The following GEMIN5 variants were observed in gnomAD, a reference collection of about 807,000 sequenced individuals.
GEMIN5 encodes gem nuclear organelle associated protein 5, also known as gem-associated protein 5.
Under a neutral mutation model 176.9 loss-of-function variants are expected in GEMIN5, and 124 were observed. The ratio of observed to expected loss-of-function variants is 0.70; its 90% CI spans 0.61 to 0.81. The LOEUF is 0.81. Among genes scored for constraint, GEMIN5 ranks in the 40% least tolerant of loss-of-function variants. The probability of loss-of-function intolerance (pLI) is 0.00; values close to 1 mark genes in which losing one functional copy is unlikely to be tolerated. For synonymous variants in GEMIN5, 673 were observed against 665.2 expected (o/e 1.01, Z -0.18); for missense variants, 1,843 against 1,814.6 (o/e 1.02, Z -0.28).
chr5:154,931,306 G>A (rs1764156251), intron 5 of GEMIN5, 152 bp downstream of exon 5: 1 of 643,684 alleles, frequency 1.6e-6, no homozygotes, highest in Non-Finnish European at 2.6e-6. Context: ...AGAGAGTCTA[G>A]GCCAGGCTCA....
Position 154,928,520 on chromosome 5 carries a change from G to C in GEMIN5, c.914+7C>G, listed in dbSNP as rs758781420. On this transcript the variant is annotated splice_region_variant and intron_variant, in intron 6 of 27. Coordinates refer to ENST00000285873, the MANE Select transcript of GEMIN5 (RefSeq NM_015465.5). ...TATCTGAGAAAGCATGACCAAAAAAGACTTACCCAAAACAGCTAGATACCA... is the reference window on the plus strand; with the variant it reads ...TATCTGAGAAAGCATGACCAAAAAACACTTACCCAAAACAGCTAGATACCA... The C allele has an allele frequency of 1.2e-6, 2 of 1,613,468 alleles. No homozygotes were observed. Among genetic ancestry groups the C allele is most frequent in the Non-Finnish European group, 1.7e-6 (2 of 1,179,760 alleles).
intron 5 of GEMIN5, among the ~76,000 whole-genome samples, chr5:154,929,776 T>C (rs1764122938): frequency 6.6e-6 from 1 of 152,222 alleles, no homozygotes; most frequent in Non-Finnish European, 1.5e-5. Flanking sequence ...ATTATACTAT[T>C]AGTTACCTAC....
chr5:154,938,036 C>A lies in GEMIN5; in HGVS notation c.98G>T (p.Arg33Leu). Residue 33 changes from arginine to leucine, a missense_variant, in exon 1 of 28, where the codon CGG (arginine) becomes CTG (leucine). Coordinates refer to ENST00000285873, the MANE Select transcript of GEMIN5 (RefSeq NM_015465.5). ...CACGCGGACAAGGAAGACGGAGGTC[C>A]GCGCGGCGAAGCCAAAGAGGCCCCC... ...VPGGLFGFAA[R>L]TSVFLVRVGP... 1 of 1,552,356 alleles carries A rather than the reference C, an allele frequency of 6.4e-7. No individual in the cohort carries two copies.
At chr5:154,896,958 GTC>G (rs1341475650) in intron 23 of GEMIN5, among the ~76,000 whole-genome samples, 2 of 152,214 alleles carry the variant, frequency 1.3e-5, no homozygotes, top group East Asian at 3.8e-4. Context: ...GCTTGCAAGA[GTC>G]TCTGTTGCAC....
Position 154,896,154 on chromosome 5 carries a change from C to T in GEMIN5, c.3535G>A (p.Ala1179Thr), listed in dbSNP as rs781170461. 1.2e-6 allele frequency: 2 copies of T among 1,613,852 alleles called. No homozygotes were observed. Among genetic ancestry groups the T allele is most frequent in the Admixed American group, 3.3e-5 (2 of 59,964 alleles). The change falls in exon 24 of 28, where the codon GCC becomes ACC. Residue 1179 changes from alanine to threonine, a missense_variant. Coordinates refer to ENST00000285873, the MANE Select transcript of GEMIN5 (RefSeq NM_015465.5). ...TTGATGTTCTGCAGCTTCTGAAAGG[C>T]TTCCTGATACTGCTCAGGGGTGTCA... is the stretch of plus-strand genomic sequence containing the variant. ...SLDTPEQYQE[A>T]FQKLQNIKYP... is the part of the protein sequence containing the mutation.
chr5:154,915,493 T>C (rs1561720654), intron 13 of GEMIN5, among the ~76,000 whole-genome samples: 2 of 152,342 alleles, frequency 1.3e-5, no homozygotes, highest in Admixed American at 6.5e-5. Context: ...AGATTTCTTA[T>C]GGAATAAATT....
At chr5:154,906,645 C>A (rs1197340508) in intron 16 of GEMIN5, among the ~76,000 whole-genome samples, 1 of 152,152 alleles carries the variant, frequency 6.6e-6, no homozygotes, top group African/African-American at 2.4e-5. Context: ...GGTTCTCCTG[C>A]CTCAGCCTCC....
intron 26 of GEMIN5, among the ~76,000 whole-genome samples, chr5:154,890,911 G>A (rs190872219): frequency 7.9e-4 from 121 of 152,258 alleles, no homozygotes; most frequent in African/African-American, 2.5e-3. Context: ...TTACAGGCAT[G>A]TGCCACCATA....
At chr5:154,934,335 C>T (rs1016365455) in intron 3 of GEMIN5, among the ~76,000 whole-genome samples, 4 of 152,202 alleles carry the variant, frequency 2.6e-5, no homozygotes, top group South Asian at 2.1e-4. Context: ...TACAGGCATG[C>T]GCCACCATGC....
intron 24 of GEMIN5, 168 bp from the exon 25 acceptor site, chr5:154,892,717 T>C: frequency 1.6e-6 from 1 of 612,590 alleles, no homozygotes; most frequent in Non-Finnish European, 2.9e-6. Flanking sequence ...TCGGAAACTC[T>C]CATGTCTAGT....
chr5:154,888,752 T>C (rs966376934), intron 27 of GEMIN5, among the ~76,000 whole-genome samples: 25 of 152,248 alleles, frequency 1.6e-4, no homozygotes, highest in African/African-American at 5.8e-4. Context: ...TAAATCTATT[T>C]GGTTTCTCTG....
chr5:154,895,336 GAAA>G (rs370508883), intron 24 of GEMIN5, among the ~76,000 whole-genome samples: 2 of 75,692 alleles, frequency 2.6e-5, no homozygotes, highest in Non-Finnish European at 2.7e-5. Flanking sequence ...CTCCAGAAAG[GAAA>G]AAAAAAAAAA....
chr5:154,917,679 A>G (rs139532385), intron 12 of GEMIN5, among the ~76,000 whole-genome samples: 3 of 152,316 alleles, frequency 2.0e-5, no homozygotes, highest in African/African-American at 7.2e-5. Context: ...ATAGGAGGTG[A>G]CCATTTTGTG....
At chr5:154,904,650 T>C (rs749076341) in intron 17 of GEMIN5, 21 bp from the exon 18 acceptor site, 3 of 1,592,094 alleles carry the variant, frequency 1.9e-6, no homozygotes, top group African/African-American at 1.3e-5. Flanking sequence ...ATAAAGTACA[T>C]ACTATCTGAA....
chr5:154,888,664 G>A (rs1763158653), intron 27 of GEMIN5, among the ~76,000 whole-genome samples: 1 of 151,868 alleles, frequency 6.6e-6, no homozygotes, highest in African/African-American at 2.4e-5. Context: ...TTAATATTTG[G>A]GCCCACAGCC....
chr5:154,905,984 C>A (rs1393365647), intron 16 of GEMIN5, among the ~76,000 whole-genome samples: 2 of 151,850 alleles, frequency 1.3e-5, no homozygotes, highest in African/African-American at 4.8e-5. Flanking sequence ...AGCCACCGCT[C>A]CTGGCTTACT....
rs1561712955 is a variant in GEMIN5 at position 154,901,445 on chromosome 5, T to G, written c.2908A>C (p.Lys970Gln). 6.2e-7 allele frequency: 1 copy of G among 1,613,886 alleles called. No individual in the cohort carries two copies. Among genetic ancestry groups the G allele is most frequent in the Non-Finnish European group, 8.5e-7 (1 of 1,179,806 alleles). Residue 970 changes from lysine (K) to glutamine (Q), a missense_variant, in exon 21 of 28, where the codon AAA (lysine) becomes CAA (glutamine). By Grantham distance (53) the Lys-to-Gln change is moderately conservative (BLOSUM62 1). Coordinates refer to ENST00000285873, the MANE Select transcript of GEMIN5 (RefSeq NM_015465.5). ...TACTGATCCTGAAAACACAGCTGTT[T>G]GGCAAAAGCTTCCACAGCCCATAGC... The part of the protein sequence containing the change: ...VWLWAVEAFA[K>Q]QLCFQDQYVK...
intron 18 of GEMIN5, among the ~76,000 whole-genome samples, chr5:154,904,304 G>A (rs1028780420): frequency 1.3e-5 from 2 of 152,200 alleles, no homozygotes; most frequent in Non-Finnish European, 2.9e-5. Context: ...AGCCATGGCA[G>A]TGCTGACGGT....
At position 154,932,116 on chromosome 5, in the gene GEMIN5, T is replaced by G; in HGVS notation, c.644A>C (p.Asn215Thr). 1 of 1,613,498 alleles carries G rather than the reference T, an allele frequency of 6.2e-7. No individual in the cohort carries two copies. Among genetic ancestry groups the G allele is most frequent in the Non-Finnish European group, 8.5e-7 (1 of 1,179,684 alleles). ...PLPGEDCLSI[N>T]QEETSEEAEI... is the part of the protein sequence containing the mutation. ...ATCTCTACCTGAAGTTTCCTCTTGG[T>G]TTATAGATAAACAATCTTCACCAGG... Residue 215 changes from asparagine to threonine, a missense_variant, in exon 4 of 28, where the codon AAC becomes ACC. Asn to Thr is a moderately conservative substitution (Grantham distance 65). Coordinates refer to ENST00000285873, the MANE Select transcript of GEMIN5 (RefSeq NM_015465.5).
Sources: gnomAD v4.1 joint callset for allele counts (sites outside exome capture counted in the v4.1 genomes callset) on GRCh38, gnomAD v4.1.1 for gene constraint, MANE v1.5 for transcripts, NCBI Gene and HGNC (gene_info 2026-07-23, HGNC 2026-07-21) for gene names.